CUX1: variants seen among roughly 807,000 people sequenced by gnomAD.
CUX1 encodes the protein protein CASP.
In CUX1, 31 loss-of-function variants were observed where a neutral mutation model predicts 158.8. The ratio of observed to expected loss-of-function variants is 0.20; its 90% CI spans 0.15 to 0.26. The LOEUF is 0.26. CUX1 is among the 10% of genes least tolerant of loss of function. The pLI is 1.00. For missense variants in CUX1, 1,589 were observed against 2,014.6 expected, an observed-to-expected ratio of 0.79 and a Z score of 4.04; for synonymous variants, 879 against 862.1, an observed-to-expected ratio of 1.02 and a Z score of -0.34.
At chr7:101,974,429 T>C (rs555962284) in intron 2 of CUX1, among the ~76,000 whole-genome samples, 1 of 152,282 alleles carries the variant, frequency 6.6e-6, no homozygotes, top group Non-Finnish European at 1.5e-5. Flanking sequence ...TGCTGTATAA[T>C]GATTAAGATA....
chr7:101,860,951 G>A (rs1797391650), intron 1 of CUX1, among the ~76,000 whole-genome samples: 1 of 152,038 alleles, frequency 6.6e-6, no homozygotes, highest in Non-Finnish European at 1.5e-5. Context: ...GAACACAGGT[G>A]GGCAACACCA....
At chr7:101,947,014 G>A (rs984880273) in intron 2 of CUX1, among the ~76,000 whole-genome samples, 7 of 152,166 alleles carry the variant, frequency 4.6e-5, no homozygotes, top group Non-Finnish European at 1.0e-4. Context: ...GGACAAAGCC[G>A]ATTTGGGTGG....
chr7:101,817,747 C>G lies in CUX1; in HGVS notation c.30+78C>G, dbSNP rs1052938196. 5.9e-6 allele frequency: 9 copies of G among 1,523,154 alleles called. No homozygotes were observed. The highest frequency in any genetic ancestry group is 1.2e-5 in the South Asian group (1 of 82,294). The allele number at this position is 1,523,154 out of a possible 1,614,324, so 94.4% of individuals were successfully genotyped here. A position where few individuals can be genotyped will look rare whatever the true frequency, so the allele number is the denominator to read the frequency against. Reference sequence around the variant, plus strand: ...GGGATGTCGGGGGGTGCCCGGGTCCCGCGGCTTAGAATGCTCTAGGGCGGC... The same window carrying G: ...GGGATGTCGGGGGGTGCCCGGGTCCGGCGGCTTAGAATGCTCTAGGGCGGC... On this transcript the variant is annotated intron_variant, in intron 1 of 23. Coordinates refer to ENST00000292535, the MANE Select transcript of CUX1 (RefSeq NM_181552.4). This position sits in a 1 kb window ranked among gnomAD's most constrained non-coding sequence, Gnocchi z 4.1.
intron 3 of CUX1, among the ~76,000 whole-genome samples, chr7:102,030,727 C>G (rs933229786): frequency 2.1e-5 from 1 of 48,416 alleles, no homozygotes; most frequent in Non-Finnish European, 4.7e-5. Context: ...GCTCGGTAAC[C>G]CAGGCTGCAG....
chr7:101,966,502 CTT>C (rs1047926174), intron 2 of CUX1, among the ~76,000 whole-genome samples: 3 of 151,998 alleles, frequency 2.0e-5, no homozygotes, highest in Admixed American at 2.0e-4. Flanking sequence ...GTGGGCTTGT[CTT>C]TGAGATTTTC....
chr7:102,220,648 G>A (rs782730871), intron 20 of CUX1, among the ~76,000 whole-genome samples: 6 of 152,108 alleles, frequency 3.9e-5, no homozygotes, highest in African/African-American at 7.2e-5. Flanking sequence ...TGCCAGCCCC[G>A]GCATGCCCAC....
intron 4 of CUX1, among the ~76,000 whole-genome samples, chr7:102,095,677 G>A (rs1323012507): frequency 1.3e-5 from 2 of 152,186 alleles, no homozygotes; most frequent in Non-Finnish European, 2.9e-5. Flanking sequence ...TGAAAATTAA[G>A]TGAGCTCTTG....
intron 1 of CUX1, among the ~76,000 whole-genome samples, chr7:101,854,298 G>A (rs1291266824): frequency 2.6e-5 from 4 of 152,142 alleles, no homozygotes; most frequent in South Asian, 2.1e-4. Flanking sequence ...GGCTGCCAGC[G>A]GGTAACATAT....
intron 1 of CUX1, among the ~76,000 whole-genome samples, chr7:101,827,283 C>CTCTTT (rs1793431067): frequency 6.6e-6 from 1 of 150,414 alleles, no homozygotes; most frequent in Admixed American, 6.7e-5. Flanking sequence ...CTCTTCTCTT[C>CTCTTT]TCTTCTCTTC....
At chr7:102,025,519 A>T (rs1363839787) in intron 2 of CUX1, among the ~76,000 whole-genome samples, 1 of 151,980 alleles carries the variant, frequency 6.6e-6, no homozygotes, top group South Asian at 2.1e-4. Context: ...TCCCAGCTAC[A>T]TGGGAAGTTG....
intron 3 of CUX1, among the ~76,000 whole-genome samples, chr7:102,063,804 A>G (rs1034128516): frequency 3.3e-5 from 5 of 152,200 alleles, no homozygotes; most frequent in African/African-American, 1.2e-4. Flanking sequence ...TATTAAAAGC[A>G]TATTAAACAC....
chr7:102,248,743 T>TCCGCGACCGCCACCG lies in CUX1; in HGVS notation c.4225_4239dup (p.Thr1409_Ala1413dup). The TCCGCGACCGCCACCG allele has an allele frequency of 9.3e-7, 1 of 1,070,414 alleles. No individual in the cohort carries two copies. The highest frequency in any genetic ancestry group is 1.1e-6 in the Non-Finnish European group (1 of 883,934). 66.3% of individuals were successfully genotyped at this position (1,070,414 alleles called of 1,614,324 possible). On this transcript the variant is annotated inframe_insertion, in exon 24 of 24. Coordinates refer to ENST00000292535, the MANE Select transcript of CUX1 (RefSeq NM_181552.4). The surrounding 1 kb of genome is among the most constrained non-coding windows in gnomAD (Gnocchi z 5.8). ...CCCGGGGCCCCTGCCCAGCCCCGCC[T>TCCGCGACCGCCACCG]CCGCGACCGCCACCGCCGCGCCCGC...
chr7:102,037,694 A>G (rs757082497), intron 3 of CUX1, among the ~76,000 whole-genome samples: 1 of 151,856 alleles, frequency 6.6e-6, no homozygotes, highest in South Asian at 2.1e-4. Flanking sequence ...CATAAAAGAG[A>G]TTGTTGCAGT....
In CUX1 at chr7:102,251,756, T is replaced by C. The variant is rs1801532189; in HGVS notation, c.*2714T>C. 1.0e-6 allele frequency: 1 copy of C among 985,222 alleles called. No homozygotes were observed. Among genetic ancestry groups the C allele is most frequent in the Non-Finnish European group, 1.2e-6 (1 of 829,748 alleles). The allele number at this position is 985,222 out of a possible 1,614,324, so 61.0% of individuals were successfully genotyped here. ...GACTTTTGTCATCATGTGTGATGAA[T>C]CTTTAAATATCGTCTAATTTTCATA... On this transcript the variant is annotated 3_prime_UTR_variant, in exon 24 of 24. Coordinates refer to ENST00000292535, the MANE Select transcript of CUX1 (RefSeq NM_181552.4).
Position 102,095,585 on chromosome 7 carries a change from G to A in CUX1, c.269-1779G>A, listed in dbSNP as rs535155925. Among the ~76,000 whole-genome samples, 4 of 152,234 alleles carry A rather than the reference G, an allele frequency of 2.6e-5. No homozygotes were observed. The East Asian group carries it at 7.7e-4, about 29-fold the overall frequency. On this transcript the variant is annotated intron_variant, in intron 4 of 23. Transcript: ENST00000292535. ...CCTAAAGAGTCCCTGGCTCCTGCTG[G>A]ATACGTTAACCGAGGCATGGTAGAC...
intron 23 of CUX1, among the ~76,000 whole-genome samples, chr7:102,247,739 C>G (rs1446443011): frequency 2.6e-5 from 4 of 152,214 alleles, no homozygotes; most frequent in African/African-American, 9.6e-5. Flanking sequence ...GAGGATCACT[C>G]AAGCCCAGTA....
chr7:102,239,224 G>T, intron 22 of CUX1, 96 bp from the exon 23 acceptor site: 1 of 1,407,670 alleles, frequency 7.1e-7, no homozygotes, highest in Non-Finnish European at 9.5e-7. Flanking sequence ...GCAAAGTCCT[G>T]CAAGCCGGCA....
chr7:101,964,294 A>G (rs904167067), intron 2 of CUX1, among the ~76,000 whole-genome samples: 3 of 152,088 alleles, frequency 2.0e-5, no homozygotes, highest in African/African-American at 7.2e-5. Context: ...CGGAGGTTGC[A>G]GTGAGCTGAG....
rs781892403 is a variant in CUX1, at chr7:102,258,093, G to A, written c.*9051G>A. 17 of 985,176 alleles carry A rather than the reference G, an allele frequency of 1.7e-5. No homozygotes were observed. Among genetic ancestry groups the A allele is most frequent in the East Asian group, 1.1e-4 (1 of 8,826 alleles). The allele number at this position is 985,176 out of a possible 1,614,324, so 61.0% of individuals were successfully genotyped here. A position where few individuals can be genotyped will look rare whatever the true frequency, so the allele number is the denominator to read the frequency against. On this transcript the variant is annotated 3_prime_UTR_variant, in exon 24 of 24. Transcript: ENST00000292535. ...TCCCTCTGTCTTTGGTTAGCCATAC[G>A]ATGTTTGTTCTCAGCACTGTACAAC...
Sources: gnomAD v4.1 joint callset for allele counts (sites outside exome capture counted in the v4.1 genomes callset) on GRCh38, gnomAD v4.1.1 for gene constraint, Gnocchi (gnomAD v3.1) non-coding constraint, MANE v1.5 for transcripts, NCBI Gene and HGNC (gene_info 2026-07-23, HGNC 2026-07-21) for gene names.